Variants in NR3C2 observed in about 807,000 individuals in gnomAD.
NR3C2 encodes the protein mineralocorticoid receptor.
A neutral mutation model predicts 86.4 loss-of-function variants in NR3C2; 15 were observed. The ratio of observed to expected loss-of-function variants is 0.17; its 90% CI spans 0.12 to 0.27. NR3C2 has a LOEUF of 0.27. NR3C2 is among the 10% of genes least tolerant of loss of function. NR3C2 has a pLI of 1.00. For synonymous variants in NR3C2, 458 were observed against 450.5 expected, an observed-to-expected ratio of 1.02 and a Z score of -0.21; for missense variants, 960 against 1,195.6, an observed-to-expected ratio of 0.80 and a Z score of 2.91.
chr4:148,354,347 A>G (rs1488127052), intron 2 of NR3C2, among the ~76,000 whole-genome samples: 1 of 152,098 alleles, frequency 6.6e-6, no homozygotes, highest in African/African-American at 2.4e-5. Flanking sequence ...TATCAGTGAG[A>G]CTTCTGGTCA....
At chr4:148,149,046 A>C (rs559361322) in intron 6 of NR3C2, among the ~76,000 whole-genome samples, 3 of 152,286 alleles carry the variant, frequency 2.0e-5, no homozygotes, top group African/African-American at 7.2e-5. Flanking sequence ...TTTTTGATGC[A>C]ATTTGACCAA....
Position 148,279,870 on chromosome 4 carries a change from C to T in NR3C2, c.1758-19753G>A, listed in dbSNP as rs72655271. Among the ~76,000 whole-genome samples the T allele has an allele frequency of 3.7e-3, 561 of 152,120 alleles. 5 individuals are homozygous for T. The highest frequency in any genetic ancestry group is 6.4e-3 in the Non-Finnish European group (435 of 67,994). ...CCTCCCGAGTAGCTGGGATTACAGG[C>T]GCCTGCCACCACACCTGGCTAATTT... is the stretch of plus-strand genomic sequence containing the variant. On this transcript the variant is annotated intron_variant, in intron 2 of 8. Transcript: ENST00000358102.
At chr4:148,308,610 G>A (rs1225448029) in intron 2 of NR3C2, among the ~76,000 whole-genome samples, 1 of 152,094 alleles carries the variant, frequency 6.6e-6, no homozygotes, top group African/African-American at 2.4e-5. Context: ...ATTGGGGAGA[G>A]ATTTGTTAAA....
intron 2 of NR3C2, among the ~76,000 whole-genome samples, chr4:148,399,963 T>A (rs1282426486): frequency 6.6e-6 from 1 of 152,200 alleles, no homozygotes; most frequent in East Asian, 1.9e-4. Flanking sequence ...CAATGAACGG[T>A]GATTTAACAG....
intron 6 of NR3C2, among the ~76,000 whole-genome samples, chr4:148,135,748 T>C (rs1733272877): frequency 6.6e-6 from 1 of 152,010 alleles, no homozygotes; most frequent in African/African-American, 2.4e-5. Context: ...CAGAAGTTCA[T>C]ACTGAAGTTT....
At chr4:148,090,392 AG>A (rs1158644684) in intron 8 of NR3C2, among the ~76,000 whole-genome samples, 1 of 152,184 alleles carries the variant, frequency 6.6e-6, no homozygotes, top group African/African-American at 2.4e-5. Context: ...AAGAGTGGAG[AG>A]GCCTGCCAGC....
intron 6 of NR3C2, among the ~76,000 whole-genome samples, chr4:148,126,184 T>C (rs1160377878): frequency 6.6e-6 from 1 of 152,236 alleles, no homozygotes; most frequent in Non-Finnish European, 1.5e-5. Flanking sequence ...CCTGGTAGCT[T>C]TGTGATCATG....
intron 4 of NR3C2, among the ~76,000 whole-genome samples, chr4:148,183,683 A>G (rs946856154): frequency 3.3e-5 from 5 of 152,206 alleles, no homozygotes; most frequent in Admixed American, 1.3e-4. Flanking sequence ...CAGTGCATAT[A>G]ATGGGCTCAG....
At chr4:148,210,484 C>T (rs912130484) in intron 3 of NR3C2, among the ~76,000 whole-genome samples, 3 of 152,194 alleles carry the variant, frequency 2.0e-5, no homozygotes, top group Admixed American at 2.0e-4. Flanking sequence ...AGCCATTGCA[C>T]CCAGCCACTA....
chr4:148,199,434 A>G (rs527715662), intron 3 of NR3C2, among the ~76,000 whole-genome samples: 1 of 152,174 alleles, frequency 6.6e-6, no homozygotes, highest in Non-Finnish European at 1.5e-5. Context: ...GGAAAGTTAT[A>G]ACTTCCTTGT....
chr4:148,304,187 G>A (rs2149926571), intron 2 of NR3C2, among the ~76,000 whole-genome samples: 1 of 152,172 alleles, frequency 6.6e-6, no homozygotes, highest in African/African-American at 2.4e-5. Flanking sequence ...TTGCCATACT[G>A]TGGGACACTC....
chr4:148,402,477 T>C (rs1320456092), intron 2 of NR3C2, among the ~76,000 whole-genome samples: 2 of 152,224 alleles, frequency 1.3e-5, no homozygotes, highest in Non-Finnish European at 2.9e-5. Flanking sequence ...CTGTAAGACA[T>C]AATTTCACAC....
At chr4:148,244,245 C>A (rs571669446) in intron 3 of NR3C2, among the ~76,000 whole-genome samples, 4 of 152,182 alleles carry the variant, frequency 2.6e-5, no homozygotes, top group African/African-American at 9.7e-5. Flanking sequence ...CGGATAGCTA[C>A]ATAGGTTTTG....
chr4:148,386,785 T>C (rs999980302), intron 2 of NR3C2, among the ~76,000 whole-genome samples: 1 of 152,178 alleles, frequency 6.6e-6, no homozygotes, highest in African/African-American at 2.4e-5. Flanking sequence ...GTTAACTTCT[T>C]TCTACCCTTT....
chr4:148,096,756 C>A (rs1053552518), intron 8 of NR3C2, among the ~76,000 whole-genome samples: 1 of 152,080 alleles, frequency 6.6e-6, no homozygotes, highest in Non-Finnish European at 1.5e-5. Flanking sequence ...GTTTAGAATG[C>A]GGCCACACTC....
chr4:148,267,997 T>C (rs1358390937), intron 2 of NR3C2, among the ~76,000 whole-genome samples: 1 of 148,886 alleles, frequency 6.7e-6, no homozygotes, highest in East Asian at 2.0e-4. Flanking sequence ...TGGAGTTCAG[T>C]GGCGTGATCT....
At chr4:148,229,432 G>A (rs1738352136) in intron 3 of NR3C2, among the ~76,000 whole-genome samples, 1 of 152,248 alleles carries the variant, frequency 6.6e-6, no homozygotes, top group African/African-American at 2.4e-5. Context: ...TCAGAACCTG[G>A]ATTTTAGCTG....
intron 4 of NR3C2, among the ~76,000 whole-genome samples, chr4:148,168,856 C>T (rs955146877): frequency 1.3e-5 from 2 of 152,144 alleles, no homozygotes; most frequent in African/African-American, 2.4e-5. Flanking sequence ...GTTGTCTTAC[C>T]TGTGTGGGAT....
intron 2 of NR3C2, among the ~76,000 whole-genome samples, chr4:148,292,984 C>T (rs922828373): frequency 6.6e-6 from 1 of 152,016 alleles, no homozygotes; most frequent in African/African-American, 2.4e-5. Context: ...GTAATAGCTG[C>T]ACAGAACACT....
Sources: gnomAD v4.1 joint callset for allele counts (sites outside exome capture counted in the v4.1 genomes callset) on GRCh38, gnomAD v4.1.1 for gene constraint, MANE v1.5 for transcripts, NCBI Gene and HGNC (gene_info 2026-07-23, HGNC 2026-07-21) for gene names.